Variants in MCC observed in about 807,000 individuals in gnomAD.
The protein encoded by MCC is MCC regulator of Wnt signaling pathway, also known as colorectal mutant cancer protein.
In MCC, 90 loss-of-function variants were observed where a neutral mutation model predicts 116.2. That is an observed-to-expected ratio of 0.77 (90% CI 0.65 to 0.92). The LOEUF (loss-of-function observed/expected upper bound fraction) is 0.92, where lower values mean the gene tolerates loss of function less well. Among genes scored for constraint, MCC ranks in the 40% least tolerant of loss-of-function variants. The pLI is 0.00. For missense variants in MCC, 1,516 were observed against 1,312.2 expected (o/e 1.16, Z -2.40); for synonymous variants, 578 against 510.5 (o/e 1.13, Z -1.78).
intron 2 of MCC, among the ~76,000 whole-genome samples, chr5:113,372,945 G>A (rs890535489): frequency 1.9e-4 from 29 of 152,148 alleles, no homozygotes; most frequent in Non-Finnish European, 3.7e-4. Flanking sequence ...TTGGGAGGCC[G>A]AGGCGGGCGG....
In MCC at chr5:113,027,006, A is replaced by C. The variant is rs766537499; in HGVS notation, c.*296T>G. Reference sequence around the variant, plus strand: ...TGCACAGCCGCCAGACCAGAAGAGGAGGGGGAGAGTGAGTGCTGAAAGCAG... The same window carrying C: ...TGCACAGCCGCCAGACCAGAAGAGGCGGGGGAGAGTGAGTGCTGAAAGCAG... On this transcript the variant is annotated 3_prime_UTR_variant, in exon 19 of 19. Transcript: ENST00000408903. The C allele has an allele frequency of 8.1e-5, 28 of 346,122 alleles. No homozygotes were observed. Among genetic ancestry groups the C allele is most frequent in the Non-Finnish European group, 1.3e-4 (25 of 192,366 alleles). 21.4% of individuals were successfully genotyped at this position (346,122 alleles called of 1,614,324 possible). A position where few individuals can be genotyped will look rare whatever the true frequency, so the allele number is the denominator to read the frequency against.
At chr5:113,270,134 T>A (rs1209848879) in intron 3 of MCC, among the ~76,000 whole-genome samples, 1 of 152,192 alleles carries the variant, frequency 6.6e-6, no homozygotes, top group Non-Finnish European at 1.5e-5. Context: ...GATCTAACTC[T>A]TTTACCACTT....
intron 1 of MCC, among the ~76,000 whole-genome samples, chr5:113,454,398 C>T (rs1186910210): frequency 6.6e-6 from 1 of 152,162 alleles, no homozygotes; most frequent in South Asian, 2.1e-4. Context: ...AGCCATGGTG[C>T]CTGGCCTGTG....
intron 3 of MCC, among the ~76,000 whole-genome samples, chr5:113,259,426 G>T (rs1202137033): frequency 6.6e-6 from 1 of 152,034 alleles, no homozygotes; most frequent in Admixed American, 6.6e-5. Flanking sequence ...TGGGTTAGAA[G>T]AAAGCCTTTG....
chr5:113,089,571 T>C (rs1397698766), intron 8 of MCC, among the ~76,000 whole-genome samples: 5 of 152,206 alleles, frequency 3.3e-5, no homozygotes. Context: ...ACCAGTACTA[T>C]CCAACAGAAC....
At chr5:113,094,115 T>C (rs922012285) in intron 8 of MCC, among the ~76,000 whole-genome samples, 1 of 152,220 alleles carries the variant, frequency 6.6e-6, no homozygotes, top group Non-Finnish European at 1.5e-5. Flanking sequence ...ATTGGAGATT[T>C]TATATGATTT....
intron 3 of MCC, among the ~76,000 whole-genome samples, chr5:113,168,905 A>G (rs1760918268): frequency 6.6e-6 from 1 of 152,166 alleles, no homozygotes; most frequent in Admixed American, 6.5e-5. Flanking sequence ...TAGCTTAGGC[A>G]GGCATCAGCC....
intron 3 of MCC, among the ~76,000 whole-genome samples, chr5:113,241,458 C>T (rs1390284751): frequency 6.6e-6 from 1 of 152,080 alleles, no homozygotes; most frequent in Non-Finnish European, 1.5e-5. Flanking sequence ...TCATAGAAAC[C>T]CAGAGAGGCT....
At chr5:113,368,746 T>C (rs942481227) in intron 2 of MCC, among the ~76,000 whole-genome samples, 3 of 151,876 alleles carry the variant, frequency 2.0e-5, no homozygotes, top group Non-Finnish European at 4.4e-5. Context: ...GCTAACTGAG[T>C]GTCCTCTAAT....
At chr5:113,305,025 T>A (rs2150366169) in intron 3 of MCC, among the ~76,000 whole-genome samples, 2 of 150,336 alleles carry the variant, frequency 1.3e-5, no homozygotes, top group South Asian at 4.2e-4. Context: ...AAAAAATGAG[T>A]ATGATATGAT....
chr5:113,082,296 A>C (rs1754916255), intron 11 of MCC, among the ~76,000 whole-genome samples: 1 of 152,240 alleles, frequency 6.6e-6, no homozygotes, highest in Non-Finnish European at 1.5e-5. Flanking sequence ...AACATAAATA[A>C]AACTAGGCAA....
intron 17 of MCC, among the ~76,000 whole-genome samples, chr5:113,035,875 A>G (rs1751295931): frequency 6.6e-6 from 1 of 152,116 alleles, no homozygotes; most frequent in Non-Finnish European, 1.5e-5. Flanking sequence ...AATCACCACA[A>G]TGTTTACTTA....
chr5:113,203,891 TA>T (rs1158613851), intron 3 of MCC, among the ~76,000 whole-genome samples: 2 of 152,164 alleles, frequency 1.3e-5, no homozygotes, highest in African/African-American at 4.8e-5. Flanking sequence ...AAGAAGGCTT[TA>T]AAAAAAGTCA....
intron 3 of MCC, among the ~76,000 whole-genome samples, chr5:113,169,140 T>C (rs1407203199): frequency 6.6e-6 from 1 of 152,128 alleles, no homozygotes; most frequent in East Asian, 1.9e-4. Context: ...GAAGGGACAC[T>C]GATTTGCATT....
chr5:113,043,047 G>A (rs1011205913), intron 17 of MCC, among the ~76,000 whole-genome samples: 2 of 152,180 alleles, frequency 1.3e-5, no homozygotes, highest in South Asian at 2.1e-4. Context: ...ATCAGCATCT[G>A]TTTCTCCTTG....
chr5:113,401,875 G>A (rs1769697360), intron 1 of MCC, among the ~76,000 whole-genome samples: 1 of 150,066 alleles, frequency 6.7e-6, no homozygotes, highest in African/African-American at 2.5e-5. Flanking sequence ...TTTGAGACAG[G>A]GTCTTCCTCT....
rs185672550 is a variant in MCC, at chr5:113,124,580, C to G, written c.885-1754G>C. Among the ~76,000 whole-genome samples the G allele has an allele frequency of 1.1e-3, 173 of 152,276 alleles. 1 individual carries two copies. The highest frequency in any genetic ancestry group is 3.9e-3 in the African/African-American group (162 of 41,552). Reference sequence around the variant, plus strand: ...AGATTCGAAAACATATATTTCCTGCCAAATCTCCTGCTTTGTACAAAATTA... The same window carrying G: ...AGATTCGAAAACATATATTTCCTGCGAAATCTCCTGCTTTGTACAAAATTA... On this transcript the variant is annotated intron_variant, in intron 5 of 18. Transcript: ENST00000408903.
chr5:113,456,670 A>G (rs1446893789), intron 1 of MCC, among the ~76,000 whole-genome samples: 5 of 113,410 alleles, frequency 4.4e-5, no homozygotes, highest in Non-Finnish European at 8.4e-5. Context: ...ACGAGGCTTC[A>G]CCATGTTAGC....
intron 3 of MCC, among the ~76,000 whole-genome samples, chr5:113,241,692 C>T (rs753284169): frequency 3.9e-5 from 6 of 152,150 alleles, no homozygotes; most frequent in African/African-American, 1.4e-4. Context: ...CAGGCTTTGA[C>T]TGAAATCAAA....
Sources: allele counts gnomAD v4.1 joint callset (sites outside exome capture counted in the v4.1 genomes callset), GRCh38; gene constraint gnomAD v4.1.1; transcripts MANE v1.5; gene names NCBI Gene and HGNC (gene_info 2026-07-23, HGNC 2026-07-21).